The following NALF1 variants were observed in gnomAD, a reference collection of about 807,000 sequenced individuals.
The protein encoded by NALF1 is NALCN channel auxiliary factor 1.
In NALF1, 3 loss-of-function variants were observed where a neutral mutation model predicts 48.4. The observed-to-expected ratio is 0.06, with a 90% CI of 0.03 to 0.16. The LOEUF is 0.16. Among genes scored for constraint, NALF1 ranks in the 10% least tolerant of loss-of-function variants. NALF1 has a pLI of 1.00. For missense variants in NALF1, 526 were observed against 571.5 expected (o/e 0.92, Z 0.81); for synonymous variants, 262 against 245.7 (o/e 1.07, Z -0.62).
rs372390150 is a variant in NALF1, at chr13:107,399,904, T to A, written c.916-189149A>T. On this transcript the variant is annotated intron_variant, in intron 1 of 2. Transcript: ENST00000375915. ...CCATATTGTTGAAAAAATGAATTAT[T>A]TACATAAAATTATCTATCAAATAAA... 2.0e-5 allele frequency among the ~76,000 whole-genome samples: 3 copies of A among 152,282 alleles called. 1 individual carries two copies.
chr13:107,819,511 A>G (rs1170204462), intron 1 of NALF1, among the ~76,000 whole-genome samples: 1 of 152,220 alleles, frequency 6.6e-6, no homozygotes, highest in East Asian at 1.9e-4. Flanking sequence ...AACTTTGGCC[A>G]AATGAATCTT....
At chr13:107,517,585 T>C (rs567720335) in intron 1 of NALF1, among the ~76,000 whole-genome samples, 1 of 152,050 alleles carries the variant, frequency 6.6e-6, no homozygotes, top group Non-Finnish European at 1.5e-5. Flanking sequence ...TGAGCCAAGA[T>C]CGCGCCACTG....
At chr13:107,340,331 G>GTA (rs1882646416) in intron 1 of NALF1, among the ~76,000 whole-genome samples, 1 of 151,990 alleles carries the variant, frequency 6.6e-6, no homozygotes, top group Non-Finnish European at 1.5e-5. Context: ...AGTAGAGACA[G>GTA]GGTTTCACCA....
At chr13:107,366,241 C>T (rs1236138711) in intron 1 of NALF1, among the ~76,000 whole-genome samples, 1 of 152,252 alleles carries the variant, frequency 6.6e-6, no homozygotes, top group East Asian at 1.9e-4. Flanking sequence ...AAACTGCGTA[C>T]TATGCCATAA....
chr13:107,517,640 C>G (rs976463170), intron 1 of NALF1, among the ~76,000 whole-genome samples: 1 of 150,274 alleles, frequency 6.7e-6, no homozygotes, highest in Non-Finnish European at 1.5e-5. Flanking sequence ...GTTTCAAACA[C>G]CAACAAACAA....
intron 1 of NALF1, among the ~76,000 whole-genome samples, chr13:107,834,885 C>G (rs1289548994): frequency 6.6e-6 from 1 of 152,088 alleles, no homozygotes; most frequent in African/African-American, 2.4e-5. Flanking sequence ...GGCAAGAACA[C>G]CAAACTAATT....
intron 1 of NALF1, among the ~76,000 whole-genome samples, chr13:107,378,393 CATATATAT>C (rs34354646): frequency 6.7e-6 from 1 of 148,488 alleles, no homozygotes; most frequent in Non-Finnish European, 1.5e-5. Context: ...TTTGGAGAGA[CATATATAT>C]ATATATATGT....
At chr13:107,403,482 T>A (rs1413067348) in intron 1 of NALF1, among the ~76,000 whole-genome samples, 1 of 151,858 alleles carries the variant, frequency 6.6e-6, no homozygotes, top group Non-Finnish European at 1.5e-5. Flanking sequence ...TTCAGACTAT[T>A]CCATTACTCT....
Position 107,627,383 on chromosome 13 carries a change from C to G in NALF1, c.915+238299G>C, listed in dbSNP as rs139031028. ...ATTTCTTGAGGCTTTGTTCTCCTTA[C>G]GATTATTATTAGAAAAGCCTATAAT... is the stretch of plus-strand genomic sequence containing the variant. On this transcript the variant is annotated intron_variant, in intron 1 of 2. Transcript: ENST00000375915. 3.3e-5 allele frequency among the ~76,000 whole-genome samples: 5 copies of G among 152,070 alleles called. No individual in the cohort carries two copies. The East Asian group carries it at 9.7e-4, about 29-fold the overall frequency.
At chr13:107,211,281 T>C (rs539058367) in intron 1 of NALF1, among the ~76,000 whole-genome samples, 1 of 152,280 alleles carries the variant, frequency 6.6e-6, no homozygotes, top group African/African-American at 2.4e-5. Flanking sequence ...AACAGGCAGA[T>C]ATGGACATTT....
At chr13:107,414,632 T>G (rs1594050443) in intron 1 of NALF1, among the ~76,000 whole-genome samples, 1 of 151,876 alleles carries the variant, frequency 6.6e-6, no homozygotes, top group Non-Finnish European at 1.5e-5. Context: ...TAAAATTACA[T>G]TATCTCTAAA....
chr13:107,777,650 G>A (rs1172327882), intron 1 of NALF1, among the ~76,000 whole-genome samples: 3 of 152,178 alleles, frequency 2.0e-5, no homozygotes, highest in Admixed American at 6.5e-5. Context: ...ACAAGCTAAT[G>A]CTGGAGCTAT....
At chr13:107,644,347 T>C (rs1340911309) in intron 1 of NALF1, among the ~76,000 whole-genome samples, 1 of 151,754 alleles carries the variant, frequency 6.6e-6, no homozygotes, top group African/African-American at 2.4e-5. Flanking sequence ...AACATACGTC[T>C]ATTACTTCCC....
chr13:107,243,194 A>G (rs1468597121), intron 1 of NALF1, among the ~76,000 whole-genome samples: 1 of 152,140 alleles, frequency 6.6e-6, no homozygotes, highest in Non-Finnish European at 1.5e-5. Context: ...CTCTCTCCCT[A>G]AAGTCTGCCG....
chr13:107,355,664 A>C (rs1414331894), intron 1 of NALF1, among the ~76,000 whole-genome samples: 3 of 151,758 alleles, frequency 2.0e-5, no homozygotes, highest in East Asian at 3.9e-4. Flanking sequence ...TTGCTGCCAC[A>C]TGAAGACTTG....
At chr13:107,315,228 C>T (rs1461778911) in intron 1 of NALF1, among the ~76,000 whole-genome samples, 1 of 151,310 alleles carries the variant, frequency 6.6e-6, no homozygotes, top group Non-Finnish European at 1.5e-5. Context: ...TCTTTGTTTT[C>T]TTATAAATAT....
intron 1 of NALF1, among the ~76,000 whole-genome samples, chr13:107,800,908 A>G (rs1179471897): frequency 6.6e-6 from 1 of 151,874 alleles, no homozygotes; most frequent in Non-Finnish European, 1.5e-5. Flanking sequence ...TAATTGAGAC[A>G]AAGCCTTTTA....
At position 107,166,051 on chromosome 13, in the gene NALF1, T is replaced by C. The variant is rs1180190135; in HGVS notation, c.*4446A>G. The C allele has an allele frequency of 6.6e-6, 1 of 152,158 alleles. No individual in the cohort carries two copies. The highest frequency in any genetic ancestry group is 1.5e-5 in the Non-Finnish European group (1 of 68,060). The allele number at this position is 152,158 out of a possible 1,614,324, so 9.4% of individuals were successfully genotyped here. ...GTGTGTGTGTGTGTGTATGTATATA[T>C]ATCTTTATATCTCTCTAAAGATATG... On this transcript the variant is annotated 3_prime_UTR_variant, in exon 3 of 3. Transcript: ENST00000375915.
chr13:107,735,752 G>T (rs773376593), intron 1 of NALF1, among the ~76,000 whole-genome samples: 2 of 152,148 alleles, frequency 1.3e-5, no homozygotes, highest in African/African-American at 2.4e-5. Flanking sequence ...AACAGATAAA[G>T]GTAGTTGCCT....
Sources: gnomAD v4.1 joint callset for allele counts (sites outside exome capture counted in the v4.1 genomes callset) on GRCh38, gnomAD v4.1.1 for gene constraint, MANE v1.5 for transcripts, NCBI Gene and HGNC (gene_info 2026-07-23, HGNC 2026-07-21) for gene names.